The following SCN10A variants were observed in gnomAD, a reference collection of about 807,000 sequenced individuals.
SCN10A encodes sodium channel protein type 10 subunit alpha.
A neutral mutation model predicts 170.7 loss-of-function variants in SCN10A; 162 were observed. That is an observed-to-expected ratio of 0.95 (90% CI 0.84 to 1.08). SCN10A has a LOEUF of 1.08. SCN10A is among the 50% of genes least tolerant of loss of function. SCN10A has a pLI of 0.00. For synonymous variants in SCN10A, 985 were observed against 904.6 expected, an observed-to-expected ratio of 1.09 and a Z score of -1.59; for missense variants, 2,527 against 2,436.9, an observed-to-expected ratio of 1.04 and a Z score of -0.78.
intron 4 of SCN10A, among the ~76,000 whole-genome samples, chr3:38,773,939 G>T (rs4072090): frequency 0.21 from 31,650 of 152,032 alleles, 3,900 homozygotes; most frequent in Middle Eastern, 0.31. Context: ...GGAGGTATCA[G>T]AAGACACAGG....
intron 15 of SCN10A, among the ~76,000 whole-genome samples, chr3:38,738,198 C>T (rs1270235881): frequency 1.3e-5 from 2 of 152,084 alleles, no homozygotes; most frequent in African/African-American, 4.8e-5. Context: ...TCCCAAAGTA[C>T]TAGGATTACA....
chr3:38,756,367 G>A (rs1260578016), intron 10 of SCN10A, among the ~76,000 whole-genome samples: 2 of 151,770 alleles, frequency 1.3e-5, no homozygotes, highest in African/African-American at 4.8e-5. Context: ...ATGCCCCAGA[G>A]TTCCCCATGG....
intron 21 of SCN10A, among the ~76,000 whole-genome samples, chr3:38,716,398 C>T (rs1223413257): frequency 2.6e-5 from 4 of 151,938 alleles, no homozygotes; most frequent in African/African-American, 9.7e-5. Context: ...TGAGATGTGA[C>T]GGTATTATAA....
chr3:38,763,391 TC>T, intron 6 of SCN10A, 113 bp downstream of exon 6: 1 of 820,582 alleles, frequency 1.2e-6, no homozygotes, highest in Non-Finnish European at 2.1e-6. Flanking sequence ...AGTTCCTTTG[TC>T]TTGTAAGTGG....
chr3:38,741,691 G>A (rs2063634269), intron 14 of SCN10A, among the ~76,000 whole-genome samples: 1 of 152,090 alleles, frequency 6.6e-6, no homozygotes, highest in Non-Finnish European at 1.5e-5. Context: ...AAGTGATGGA[G>A]GAAAATTTAA....
chr3:38,753,087 C>T (rs2063767104), intron 11 of SCN10A, among the ~76,000 whole-genome samples: 1 of 152,180 alleles, frequency 6.6e-6, no homozygotes, highest in African/African-American at 2.4e-5. Context: ...TCCCTCGAGG[C>T]TTGAACAGTC....
At chr3:38,754,731 A>C (rs186699158) in intron 11 of SCN10A, among the ~76,000 whole-genome samples, 1 of 152,354 alleles carries the variant, frequency 6.6e-6, no homozygotes, top group Admixed American at 6.5e-5. Flanking sequence ...GTGTGCATGC[A>C]AGTGTGTCTG....
At chr3:38,749,033 T>C (rs982749570) in intron 13 of SCN10A, among the ~76,000 whole-genome samples, 1 of 152,250 alleles carries the variant, frequency 6.6e-6, no homozygotes, top group African/African-American at 2.4e-5. Flanking sequence ...CATCTCTGCA[T>C]ATCTGGTAAA....
At chr3:38,799,741 A>G (rs1056332101) in intron 1 of SCN10A, among the ~76,000 whole-genome samples, 25 of 152,032 alleles carry the variant, frequency 1.6e-4, no homozygotes, top group African/African-American at 9.7e-5. Flanking sequence ...TAAAAAAATC[A>G]TATGATTAAG....
At chr3:38,722,161 G>T in intron 20 of SCN10A, 97 bp downstream of exon 20, 1 of 1,220,476 alleles carries the variant, frequency 8.2e-7, no homozygotes, top group Non-Finnish European at 1.2e-6. Context: ...TTTCAGCTCA[G>T]TAGTCAGGAG....
At position 38,697,023 on chromosome 3, in the gene SCN10A, G is replaced by C; in HGVS notation, c.*326C>G. On this transcript the variant is annotated 3_prime_UTR_variant, in exon 28 of 28. Transcript: ENST00000449082. Reference sequence around the variant, plus strand: ...CTATATCTTTGGAAGTTCTGGTCCTGAGAAGTTTGTCTCAGTAAATATAAT... The same window carrying C: ...CTATATCTTTGGAAGTTCTGGTCCTCAGAAGTTTGTCTCAGTAAATATAAT... 1 of 326,206 alleles carries C rather than the reference G, an allele frequency of 3.1e-6. No individual in the cohort carries two copies. The highest frequency in any genetic ancestry group is 5.8e-6 in the Non-Finnish European group (1 of 173,888). 20.2% of individuals were successfully genotyped at this position (326,206 alleles called of 1,614,324 possible).
intron 1 of SCN10A, among the ~76,000 whole-genome samples, chr3:38,794,908 A>G (rs892395607): frequency 2.0e-5 from 3 of 151,868 alleles, no homozygotes; most frequent in Admixed American, 6.6e-5. Flanking sequence ...CAAACCTCCA[A>G]CTCACCTGTG....
At chr3:38,717,066 A>C (rs1016043278) in intron 21 of SCN10A, among the ~76,000 whole-genome samples, 3 of 152,228 alleles carry the variant, frequency 2.0e-5, no homozygotes, top group African/African-American at 7.2e-5. Flanking sequence ...ATGATTGGAC[A>C]GTTGGATAGA....
rs1242477380 is a variant in SCN10A at position 38,725,328 on chromosome 3, G to A, written c.3088-14C>T. ...CAGCTGCTCCTGCTAGTGAGAGAGG[G>A]TCCCAACTGGGTGCCTGGCCCCACC... On this transcript the variant is annotated splice_polypyrimidine_tract_variant and intron_variant, in intron 17 of 27. Transcript: ENST00000449082. The A allele has an allele frequency of 1.3e-6, 2 of 1,560,332 alleles. No individual in the cohort carries two copies. The highest frequency in any genetic ancestry group is 1.8e-6 in the Non-Finnish European group (2 of 1,140,704).
chr3:38,733,594 C>A (rs981950127), intron 15 of SCN10A, among the ~76,000 whole-genome samples: 2 of 152,180 alleles, frequency 1.3e-5, no homozygotes, highest in African/African-American at 4.8e-5. Context: ...GTAATTTCTG[C>A]AGCCACGACC....
chr3:38,770,674 C>T (rs4414778), intron 5 of SCN10A, among the ~76,000 whole-genome samples: 101,566 of 151,928 alleles, frequency 0.67, 34,365 homozygotes, highest in Admixed American at 0.79. Context: ...GACCGCATCC[C>T]TCACTGTCTG....
At position 38,702,079 on chromosome 3, in the gene SCN10A, C is replaced by T. The variant is rs767670989; in HGVS notation, c.4417G>A (p.Val1473Met). The change falls in exon 27 of 28, where the codon GTG becomes ATG. Residue 1473 changes from valine (V) to methionine (M), a missense_variant. Physicochemically the swap from Val to Met is conservative, Grantham distance 21. Coordinates refer to ENST00000449082, the MANE Select transcript of SCN10A (RefSeq NM_006514.4). ...GTGATGTCAAAAGCTTGTCTGGTCA[C>T]GATGTCAAAGACAAAACCCTGGAAC... is the stretch of plus-strand genomic sequence containing the variant. ...NKFQGFVFDI[V>M]TRQAFDITIM... The T allele has an allele frequency of 1.9e-5, 30 of 1,572,350 alleles. No individual in the cohort carries two copies. The highest frequency in any genetic ancestry group is 2.4e-5 in the Non-Finnish European group (28 of 1,160,132).
chr3:38,715,947 G>A (rs1055366043), intron 21 of SCN10A, among the ~76,000 whole-genome samples: 2 of 152,138 alleles, frequency 1.3e-5, no homozygotes, highest in Non-Finnish European at 2.9e-5. Context: ...TCATTGGGAT[G>A]GCTAGAAGGA....
At chr3:38,709,419 A>G in intron 25 of SCN10A, 59 bp downstream of exon 25, 3 of 1,529,978 alleles carry the variant, frequency 2.0e-6, no homozygotes, top group Non-Finnish European at 2.6e-6. Context: ...TGGGCAGGGA[A>G]CAGGAAATAT....
Sources: gnomAD v4.1 joint callset for allele counts (sites outside exome capture counted in the v4.1 genomes callset) on GRCh38, gnomAD v4.1.1 for gene constraint, MANE v1.5 for transcripts, NCBI Gene and HGNC (gene_info 2026-07-23, HGNC 2026-07-21) for gene names.